The following LGI3 variants were observed in gnomAD, a reference collection of about 807,000 sequenced individuals.
The protein encoded by LGI3 is leucine-rich repeat LGI family member 3.
LGI3 carries 47 observed loss-of-function variants against 55.4 expected under a neutral mutation model. The ratio of observed to expected loss-of-function variants is 0.85; its 90% CI spans 0.67 to 1.08. The LOEUF (loss-of-function observed/expected upper bound fraction) is 1.08. Among genes scored for constraint, LGI3 ranks in the 50% least tolerant of loss-of-function variants. The pLI is 0.00. For missense variants in LGI3, 664 were observed against 726.3 expected (o/e 0.91, Z 0.99); for synonymous variants, 326 against 315.0 (o/e 1.04, Z -0.37).
intron 2 of LGI3, chr8:22,155,119 T>G: frequency 2.0e-6 from 1 of 507,642 alleles, no homozygotes; most frequent in East Asian, 3.5e-5. Context: ...TCGCACCCAA[T>G]TCTCTGGGGT....
At position 22,148,284 on chromosome 8, in the gene LGI3, A is replaced by G; in HGVS notation, c.1523T>C (p.Leu508Pro). ...GAAGGCCCGAGGAGCCTGCACAGCC[A>G]GCTCCTGGAACCGTACAAACTTCTG... ...GRQKFVRFQE[L>P]AVQAPRAFCY... is the part of the protein sequence containing the mutation. The change falls in exon 8 of 8, where the codon CTG becomes CCG. Residue 508 changes from leucine (L) to proline (P), a missense_variant. Physicochemically the swap from Leu to Pro is moderately conservative, Grantham distance 98. Coordinates refer to ENST00000306317, the MANE Select transcript of LGI3 (RefSeq NM_139278.4). The surrounding 1 kb of genome is among the most constrained non-coding windows in gnomAD (Gnocchi z 7.0). The G allele has an allele frequency of 6.2e-7, 1 of 1,614,148 alleles. No individual in the cohort carries two copies. Among genetic ancestry groups the G allele is most frequent in the Non-Finnish European group, 8.5e-7 (1 of 1,180,002 alleles).
In LGI3 at chr8:22,148,717, A is replaced by G; in HGVS notation, c.1090T>C (p.Phe364Leu). Residue 364 changes from phenylalanine to leucine, a missense_variant, in exon 8 of 8, where the codon TTC becomes CTC. By Grantham distance (22) the Phe-to-Leu change is conservative (BLOSUM62 0). Transcript: ENST00000306317. The surrounding 1 kb of genome is among the most constrained non-coding windows in gnomAD (Gnocchi z 7.0). Reference sequence around the variant, plus strand: ...GGGTGCAGTGCCTGGTGGGAGTAGAAGCCATTCTGGTGCCAGCGGTAGAGG... The same window carrying G: ...GGGTGCAGTGCCTGGTGGGAGTAGAGGCCATTCTGGTGCCAGCGGTAGAGG... ...TSLYRWHQNGFYSHQALHPWH... is the reference protein window; with the variant it reads ...TSLYRWHQNGLYSHQALHPWH... The G allele has an allele frequency of 6.2e-7, 1 of 1,614,142 alleles. No individual in the cohort carries two copies. The highest frequency in any genetic ancestry group is 8.5e-7 in the Non-Finnish European group (1 of 1,180,026).
Position 22,155,461 on chromosome 8 carries a change from G to T in LGI3, c.209C>A (p.Thr70Asn), listed in dbSNP as rs1827476253. 1 of 1,613,648 alleles carries T rather than the reference G, an allele frequency of 6.2e-7. No homozygotes were observed. The highest frequency in any genetic ancestry group is 8.5e-7 in the Non-Finnish European group (1 of 1,179,902). Residue 70 changes from threonine (T) to asparagine (N), a missense_variant and splice_region_variant, in exon 2 of 8, where the codon ACC becomes AAC. By Grantham distance (65) the Thr-to-Asn change is moderately conservative. Coordinates refer to ENST00000306317, the MANE Select transcript of LGI3 (RefSeq NM_139278.4). ...RNLPSEVISL[T>N]LVNAAFSEIQ... ...CTCTGAGAAGGCGGCATTCACCAGG[G>T]TCCTGCGGGGACACCCGAGTCAGTA... is the stretch of plus-strand genomic sequence containing the variant.
chr8:22,154,603 T>A lies in LGI3; in HGVS notation c.307A>T (p.Ile103Phe). The stretch of plus-strand genomic sequence containing the variant: ...AGTCCTGTGAAGGCGTTGTCTCCAA[T>A]CAGTGTAAACTTGTTGGAGTTGAGT... ...LLLNSNKFTL[I>F]GDNAFTGLSH... The change falls in exon 3 of 8, where the codon ATT becomes TTT. Residue 103 changes from isoleucine (I) to phenylalanine (F), a missense_variant. Coordinates refer to ENST00000306317, the MANE Select transcript of LGI3 (RefSeq NM_139278.4). The A allele has an allele frequency of 6.2e-7, 1 of 1,613,908 alleles. No homozygotes were observed. The highest frequency in any genetic ancestry group is 8.5e-7 in the Non-Finnish European group (1 of 1,179,830).
chr8:22,151,435 C>A, intron 7 of LGI3, 54 bp downstream of exon 7: 5 of 1,557,994 alleles, frequency 3.2e-6, no homozygotes, highest in Non-Finnish European at 4.4e-6. Flanking sequence ...ACGATGGAGC[C>A]CACTCCCCCC....
rs1827450275 is a variant in LGI3 at position 22,153,941 on chromosome 8, T to C, written c.494+27A>G. On this transcript the variant is annotated intron_variant, in intron 5 of 7. Coordinates refer to ENST00000306317, the MANE Select transcript of LGI3 (RefSeq NM_139278.4). The stretch of plus-strand genomic sequence containing the variant: ...CAGGGATGCGCCCTCTGCGGCACTG[T>C]TGGAAGAGGCAGGACTCAGGCCTTA... The C allele has an allele frequency of 3.7e-6, 6 of 1,609,902 alleles. No homozygotes were observed. The South Asian group carries it at 5.5e-5, about 15-fold the overall frequency.
At chr8:22,149,316 T>TA (rs1429698199) in intron 7 of LGI3, among the ~76,000 whole-genome samples, 1 of 152,224 alleles carries the variant, frequency 6.6e-6, no homozygotes, top group Non-Finnish European at 1.5e-5. Context: ...GTGCTGAATG[T>TA]AAGCACATGT....
intron 5 of LGI3, among the ~76,000 whole-genome samples, chr8:22,153,526 C>T (rs1161262667): frequency 2.0e-5 from 3 of 151,694 alleles, no homozygotes; most frequent in African/African-American, 7.3e-5. Flanking sequence ...CATGGTGAAA[C>T]CCCGTCTATA....
Position 22,149,249 on chromosome 8 carries a change from G to C in LGI3, c.830-272C>G, listed in dbSNP as rs1269365714. The stretch of plus-strand genomic sequence containing the variant: ...AGCACAAAATAAGTGTCCCTCGATA[G>C]TGACTCGTTGCTTAACCATAATGTC... On this transcript the variant is annotated intron_variant, in intron 7 of 7. Coordinates refer to ENST00000306317, the MANE Select transcript of LGI3 (RefSeq NM_139278.4). Among the ~76,000 whole-genome samples the C allele has an allele frequency of 3.9e-5, 6 of 152,346 alleles. No individual in the cohort carries two copies. The East Asian group carries it at 5.8e-4, about 15-fold the overall frequency.
intron 5 of LGI3, 145 bp downstream of exon 5, chr8:22,153,823 C>G (rs1355655658): frequency 1.3e-6 from 1 of 750,152 alleles, no homozygotes; most frequent in Non-Finnish European, 2.3e-6. Flanking sequence ...TCTAACTCCA[C>G]CTCCTCACCT....
In LGI3 at chr8:22,152,146, G is replaced by C; in HGVS notation, c.495-146C>G. On this transcript the variant is annotated intron_variant, in intron 5 of 7. Coordinates refer to ENST00000306317, the MANE Select transcript of LGI3 (RefSeq NM_139278.4). Reference sequence around the variant, plus strand: ...TGCATCTTTGTAAGATTAGAGAAAAGTTTCCCTCTGGCTGGATGTAGCCCC... The same window carrying C: ...TGCATCTTTGTAAGATTAGAGAAAACTTTCCCTCTGGCTGGATGTAGCCCC... 4.8e-6 allele frequency: 3 copies of C among 626,176 alleles called. No individual in the cohort carries two copies. In the South Asian group the frequency reaches 6.5e-5, roughly 14 times the overall value. 38.8% of individuals were successfully genotyped at this position (626,176 alleles called of 1,614,324 possible). A position where few individuals can be genotyped will look rare whatever the true frequency, so the allele number is the denominator to read the frequency against.
intron 7 of LGI3, among the ~76,000 whole-genome samples, chr8:22,149,833 C>T (rs1481041769): frequency 3.3e-5 from 5 of 152,144 alleles, no homozygotes; most frequent in Admixed American, 2.0e-4. Flanking sequence ...TAAATACCTT[C>T]TTTGGGGTTT....
At chr8:22,154,658 C>T in intron 2 of LGI3, 27 bp from the exon 3 acceptor site, 1 of 1,572,302 alleles carries the variant, frequency 6.4e-7, no homozygotes, top group Non-Finnish European at 8.8e-7. Context: ...GGAATTAGAG[C>T]TTCCAAGGGT....
chr8:22,156,239 C>A, intron 1 of LGI3, 98 bp downstream of exon 1: 2 of 1,341,214 alleles, frequency 1.5e-6, no homozygotes, highest in Admixed American at 2.0e-5. Context: ...GGTCCCCGCA[C>A]TCTGAAGAGG....
At chr8:22,152,104 G>A (rs750912391) in intron 5 of LGI3, 104 bp from the exon 6 acceptor site, 139 of 871,958 alleles carry the variant, frequency 1.6e-4, no homozygotes, top group Non-Finnish European at 2.4e-4. Context: ...GGTCAAGGCT[G>A]CTGCAAGTTG....
rs559732127 is a variant in LGI3, at chr8:22,148,426, C to A, written c.1381G>T (p.Ala461Ser). The A allele has an allele frequency of 6.2e-7, 1 of 1,612,292 alleles. No homozygotes were observed. The highest frequency in any genetic ancestry group is 1.1e-5 in the South Asian group (1 of 91,006). ...GCCAGCGAGCCCCGGGAGGGCAGGG[C>A]CTGCACCTCCGAGAAGCGGGTACCC... ...WEGTRFSEVQ[A>S]LPSRGSLALQ... Residue 461 changes from alanine to serine, a missense_variant, in exon 8 of 8, where the codon GCC (alanine) becomes TCC (serine). Coordinates refer to ENST00000306317, the MANE Select transcript of LGI3 (RefSeq NM_139278.4). The surrounding 1 kb of genome is among the most constrained non-coding windows in gnomAD (Gnocchi z 7.0).
chr8:22,155,707 C>T (rs547444643), intron 1 of LGI3, among the ~76,000 whole-genome samples: 3 of 152,372 alleles, frequency 2.0e-5, no homozygotes, highest in East Asian at 3.9e-4. Flanking sequence ...CCCTCTCAGG[C>T]AAGAAAAGGT....
rs4872327 is a variant in LGI3 at position 22,147,013 on chromosome 8, G to C, written c.*1147C>G. 1 allele frequency: 152,460 copies of C among 152,460 alleles called. 76,230 individuals carry two copies. Among genetic ancestry groups the C allele is most frequent in the Non-Finnish European group, 1 (68,144 of 68,144 alleles). 9.4% of individuals were successfully genotyped at this position (152,460 alleles called of 1,614,324 possible). ...CAGCTAGTGGGGCCCCTCCCACCAG[G>C]CCCCACCCGGTCCACTGAAAGGCAG... is the stretch of plus-strand genomic sequence containing the variant. On this transcript the variant is annotated 3_prime_UTR_variant, in exon 8 of 8. Coordinates refer to ENST00000306317, the MANE Select transcript of LGI3 (RefSeq NM_139278.4).
At chr8:22,156,170 A>G (rs1827493606) in intron 1 of LGI3, among the ~76,000 whole-genome samples, 167 bp downstream of exon 1, 1 of 152,136 alleles carries the variant, frequency 6.6e-6, no homozygotes, top group South Asian at 2.1e-4. Context: ...AAAACTGCAG[A>G]ACTCCCTGCC....
Sources: allele counts gnomAD v4.1 joint callset (sites outside exome capture counted in the v4.1 genomes callset), GRCh38; gene constraint gnomAD v4.1.1; non-coding constraint Gnocchi (gnomAD v3.1); transcripts MANE v1.5; gene names NCBI Gene and HGNC (gene_info 2026-07-23, HGNC 2026-07-21).